Variants in TBX10 observed in about 807,000 individuals in gnomAD.
The protein encoded by TBX10 is T-box transcription factor TBX10.
Under a neutral mutation model 32.4 loss-of-function variants are expected in TBX10, and 26 were observed. The observed-to-expected ratio is 0.80, with a 90% CI of 0.59 to 1.11. The LOEUF is 1.11. TBX10 is among the 50% of genes most tolerant of loss of function. The pLI is 0.00. For synonymous variants in TBX10, 195 were observed against 203.1 expected (o/e 0.96, Z 0.34); for missense variants, 490 against 494.5 (o/e 0.99, Z 0.09).
intron 1 of TBX10, among the ~76,000 whole-genome samples, chr11:67,638,811 G>A (rs1004035707): frequency 6.6e-6 from 1 of 152,088 alleles, no homozygotes; most frequent in Admixed American, 6.5e-5. Flanking sequence ...TGCCCCTGTG[G>A]CCAGTCCATC....
At chr11:67,641,415 G>A (rs528155423), upstream of TBX10, among the ~76,000 whole-genome samples, 16 of 152,192 alleles carry the variant, frequency 1.1e-4, no homozygotes, top group Non-Finnish European at 2.1e-4. Flanking sequence ...CACACAGCAC[G>A]CGCACAGACA....
At chr11:67,632,784 C>G in intron 5 of TBX10, 114 bp from the exon 6 acceptor site, 2 of 1,551,326 alleles carry the variant, frequency 1.3e-6, no homozygotes, top group Non-Finnish European at 1.8e-6. Flanking sequence ...GGCCCAGGAA[C>G]TCTGAGCTGA....
intron 1 of TBX10, among the ~76,000 whole-genome samples, chr11:67,636,011 TAGAAA>T (rs1275368994): frequency 6.6e-6 from 1 of 151,334 alleles, no homozygotes; most frequent in African/African-American, 2.4e-5. Flanking sequence ...AGATGGCTAT[TAGAAA>T]AGAAAAGAAA....
intron 1 of TBX10, among the ~76,000 whole-genome samples, chr11:67,637,733 T>C (rs556541979): frequency 4.1e-5 from 6 of 145,566 alleles, no homozygotes; most frequent in Non-Finnish European, 7.4e-5. Context: ...ATATATTGAT[T>C]TTTTTTTATT....
At position 67,633,003 on chromosome 11, in the gene TBX10, G is replaced by A; in HGVS notation, c.650C>T (p.Ser217Phe). The A allele has an allele frequency of 1.2e-6, 2 of 1,614,226 alleles. No individual in the cohort carries two copies. The highest frequency in any genetic ancestry group is 8.5e-7 in the Non-Finnish European group (1 of 1,180,022). The part of the protein sequence containing the change: ...SERYAQENFK[S>F]FIFTETQFTA... The stretch of plus-strand genomic sequence containing the variant: ...GAACTGGGTCTCTGTGAAGATGAAG[G>A]ACTTGAAGTTCTCCTGGGCATAGCG... The change falls in exon 5 of 8, where the codon TCC becomes TTC. Residue 217 changes from serine (S) to phenylalanine (F), a missense_variant. By Grantham distance (155) the Ser-to-Phe change is radical. This residue lies in a region of TBX10 where 307 missense variants were observed against 294.9 expected (regional missense o/e 1.04). Coordinates refer to ENST00000335385, the MANE Select transcript of TBX10 (RefSeq NM_005995.5).
chr11:67,639,873 G>GC (rs951928616), upstream of TBX10, among the ~76,000 whole-genome samples: 1 of 152,158 alleles, frequency 6.6e-6, no homozygotes, highest in Non-Finnish European at 1.5e-5. Context: ...CCAGCTAAGA[G>GC]CCCCCCAGCC....
At chr11:67,636,289 C>T (rs1770348690) in intron 1 of TBX10, among the ~76,000 whole-genome samples, 2 of 149,964 alleles carry the variant, frequency 1.3e-5, no homozygotes, top group Admixed American at 6.6e-5. Flanking sequence ...CCCTATGTTG[C>T]CCAGGCTGGT....
rs773980119 is a variant in TBX10, at chr11:67,632,358, G to A, written c.828C>T (p.Leu276=). The change falls in exon 7 of 8, where the codon CTC becomes CTT. Residue 276 remains leucine (L), a synonymous_variant. Transcript: ENST00000335385. ...TGGCACCCTTCAGCACACAGGGACT[G>A]AGGCTGCTGTGACTCCGGGCTGGGA... ...LSVPARSHSS[L]SPCVLKGATD... The A allele has an allele frequency of 6.2e-7, 1 of 1,613,348 alleles. No individual in the cohort carries two copies. Among genetic ancestry groups the A allele is most frequent in the South Asian group, 1.1e-5 (1 of 91,090 alleles).
rs769642771 is a variant in TBX10, at chr11:67,639,492, G to C, written c.-20C>G. On this transcript the variant is annotated 5_prime_UTR_variant, in exon 1 of 8. Coordinates refer to ENST00000335385, the MANE Select transcript of TBX10 (RefSeq NM_005995.5). ...TGCCATGGAGACAGAGAGGCTGTCC[G>C]GCTCCTGGAGAAACACTGCTTGGCT... The C allele has an allele frequency of 1.2e-6, 2 of 1,610,358 alleles. No individual in the cohort carries two copies. Among genetic ancestry groups the C allele is most frequent in the South Asian group, 2.2e-5 (2 of 90,966 alleles).
chr11:67,637,807 GTTA>G (rs1344363972), intron 1 of TBX10, among the ~76,000 whole-genome samples: 9 of 152,162 alleles, frequency 5.9e-5, no homozygotes, highest in African/African-American at 1.9e-4. Context: ...TCTAAGAGAA[GTTA>G]TTATTTATTC....
chr11:67,635,648 G>T (rs1218395596), intron 1 of TBX10, among the ~76,000 whole-genome samples: 2 of 128,616 alleles, frequency 1.6e-5, no homozygotes, highest in Non-Finnish European at 3.1e-5. Flanking sequence ...TGCACAGGGG[G>T]CCCTTCACAA....
chr11:67,638,709 C>A (rs1024833324), intron 1 of TBX10, among the ~76,000 whole-genome samples: 4 of 152,196 alleles, frequency 2.6e-5, no homozygotes, highest in Non-Finnish European at 5.9e-5. Context: ...ATTTCTGCAG[C>A]CTCGCGGGGG....
rs754820545 is a variant in TBX10, at chr11:67,635,243, C to T, written c.28G>A (p.Gly10Ser). Residue 10 changes from glycine to serine, a missense_variant, in exon 2 of 8, where the codon GGC becomes AGC. By Grantham distance (56) the Gly-to-Ser change is moderately conservative. Around this residue, in one of 3 missense-constraint regions of TBX10, gnomAD observed 307 missense variants for 294.9 expected, o/e 1.04. Transcript: ENST00000335385. MAAFLSAGL[G>S]ILAPSETYPL... The stretch of plus-strand genomic sequence containing the variant: ...TAGGTCTCTGAGGGTGCAAGTATGC[C>T]GAGGCCAGCAGATAGGAAGGCTGTG... The T allele has an allele frequency of 2.0e-5, 32 of 1,613,332 alleles. No homozygotes were observed. In the African/African-American group the frequency reaches 3.2e-4, roughly 16 times the overall value.
intron 1 of TBX10, among the ~76,000 whole-genome samples, chr11:67,637,731 AT>A (rs150615858): frequency 0.019 from 2,896 of 150,942 alleles, 84 homozygotes; most frequent in African/African-American, 0.064. Context: ...AAATATATTG[AT>A]TTTTTTTTAT....
At chr11:67,633,517 C>T (rs1591123802) in intron 4 of TBX10, among the ~76,000 whole-genome samples, 4 of 152,310 alleles carry the variant, frequency 2.6e-5, no homozygotes, top group African/African-American at 4.8e-5. Flanking sequence ...AAGCCAGAGC[C>T]CCCCGAAGTC....
chr11:67,633,667 T>A (rs1236290746), intron 4 of TBX10, among the ~76,000 whole-genome samples: 2 of 152,232 alleles, frequency 1.3e-5, no homozygotes, highest in Non-Finnish European at 2.9e-5. Context: ...CTGACGGGCA[T>A]GGGCCGCTGC....
intron 1 of TBX10, among the ~76,000 whole-genome samples, chr11:67,638,500 G>A (rs549840018): frequency 2.0e-5 from 3 of 152,180 alleles, no homozygotes; most frequent in African/African-American, 4.8e-5. Context: ...GCAGAGGGGG[G>A]TGCTGGGTGT....
chr11:67,631,719 G>A lies in TBX10; in HGVS notation c.1044C>T (p.Tyr348=). 1 of 1,610,104 alleles carries A rather than the reference G, an allele frequency of 6.2e-7. No individual in the cohort carries two copies. Among genetic ancestry groups the A allele is most frequent in the Non-Finnish European group, 8.5e-7 (1 of 1,178,720 alleles). The change falls in exon 8 of 8, where the codon TAC becomes TAT. Residue 348 remains tyrosine, a synonymous_variant. Transcript: ENST00000335385. The part of the protein sequence containing the change: ...LGIPRTRPAP[Y]PLPNIRADRD... ...TATCAGCCCGGATGTTGGGGAGGGG[G>A]TATGGTGCTGGTCGGGTCCTTGGGA...
At chr11:67,637,473 T>C (rs1855346540) in intron 1 of TBX10, among the ~76,000 whole-genome samples, 1 of 152,240 alleles carries the variant, frequency 6.6e-6, no homozygotes, top group African/African-American at 2.4e-5. Flanking sequence ...CTGCTGTGTC[T>C]GGTTCCCATT....
Sources: allele counts gnomAD v4.1 joint callset (sites outside exome capture counted in the v4.1 genomes callset), GRCh38; gene constraint gnomAD v4.1.1; regional missense constraint gnomAD v4.1.1; transcripts MANE v1.5; gene names NCBI Gene and HGNC (gene_info 2026-07-23, HGNC 2026-07-21).